Variants in PDE4B observed in about 807,000 individuals in gnomAD.
PDE4B encodes phosphodiesterase 4B.
PDE4B carries 20 observed loss-of-function variants against 82.2 expected under a neutral mutation model. That is an observed-to-expected ratio of 0.24 (90% confidence interval 0.17 to 0.35). PDE4B has a LOEUF of 0.35. PDE4B is among the 10% of genes least tolerant of loss of function. The pLI is 1.00. For synonymous variants in PDE4B, 320 were observed against 318.9 expected, an observed-to-expected ratio of 1.00 and a Z score of -0.04; for missense variants, 655 against 907.2, an observed-to-expected ratio of 0.72 and a Z score of 3.57.
At chr1:65,970,777 C>T (rs1248521895) in intron 3 of PDE4B, among the ~76,000 whole-genome samples, 1 of 151,948 alleles carries the variant, frequency 6.6e-6, no homozygotes, top group Non-Finnish European at 1.5e-5. Flanking sequence ...AACATTGCAT[C>T]TATAACAAGC....
At chr1:65,797,393 G>C (rs926849518) in intron 1 of PDE4B, among the ~76,000 whole-genome samples, 1 of 152,290 alleles carries the variant, frequency 6.6e-6, no homozygotes, top group Middle Eastern at 3.4e-3. Context: ...TGTGTTAGAA[G>C]GCTCTGGGTT....
chr1:66,269,116 T>C (rs573647352), intron 7 of PDE4B, among the ~76,000 whole-genome samples: 1 of 152,360 alleles, frequency 6.6e-6, no homozygotes, highest in South Asian at 2.1e-4. Flanking sequence ...TTATCTCTAT[T>C]GCTATGAAAA....
At chr1:66,133,373 CTCATT>C (rs1463673716) in intron 3 of PDE4B, among the ~76,000 whole-genome samples, 1 of 152,132 alleles carries the variant, frequency 6.6e-6, no homozygotes, top group African/African-American at 2.4e-5. Flanking sequence ...ATTTATGAAT[CTCATT>C]TCACAAACTT....
intron 3 of PDE4B, among the ~76,000 whole-genome samples, chr1:65,999,273 C>A (rs1250317390): frequency 6.6e-6 from 1 of 152,166 alleles, no homozygotes; most frequent in African/African-American, 2.4e-5. Flanking sequence ...ACTGTCAATG[C>A]ACTTGCAACA....
intron 3 of PDE4B, among the ~76,000 whole-genome samples, chr1:66,088,724 GC>G (rs973290631): frequency 6.6e-6 from 1 of 151,960 alleles, no homozygotes; most frequent in African/African-American, 2.4e-5. Flanking sequence ...AGTCATTGGG[GC>G]TTTTTTTCTC....
chr1:65,808,247 C>A (rs1645779062), intron 1 of PDE4B, among the ~76,000 whole-genome samples: 1 of 150,052 alleles, frequency 6.7e-6, no homozygotes, highest in Non-Finnish European at 1.5e-5. Context: ...TTCTAGCTCA[C>A]TATAACCTTC....
At chr1:65,890,229 A>T (rs992406247) in intron 1 of PDE4B, among the ~76,000 whole-genome samples, 41 of 151,972 alleles carry the variant, frequency 2.7e-4, no homozygotes, top group African/African-American at 8.9e-4. Flanking sequence ...ATTTAAGATA[A>T]TTTGCCTTAT....
chr1:66,058,954 A>G (rs959375743), intron 3 of PDE4B, among the ~76,000 whole-genome samples: 4 of 152,174 alleles, frequency 2.6e-5, no homozygotes, highest in African/African-American at 9.7e-5. Context: ...CTTTTCTATC[A>G]CATTGTCAAG....
intron 3 of PDE4B, among the ~76,000 whole-genome samples, chr1:65,969,032 T>A (rs558832594): frequency 6.6e-6 from 1 of 152,190 alleles, no homozygotes; most frequent in African/African-American, 2.4e-5. Flanking sequence ...TAACAAATTA[T>A]CTCATTTAAT....
chr1:65,873,528 C>A (rs942436346), intron 1 of PDE4B, among the ~76,000 whole-genome samples: 1 of 152,112 alleles, frequency 6.6e-6, no homozygotes, highest in Non-Finnish European at 1.5e-5. Context: ...TGGTTTAAAG[C>A]TTTTATCTTC....
At chr1:66,182,983 A>G (rs1225780010) in intron 3 of PDE4B, among the ~76,000 whole-genome samples, 1 of 152,232 alleles carries the variant, frequency 6.6e-6, no homozygotes, top group Non-Finnish European at 1.5e-5. Context: ...ACAATGAGCC[A>G]CATTTGTCCA....
intron 1 of PDE4B, among the ~76,000 whole-genome samples, chr1:65,795,070 G>A (rs547315264): frequency 6.6e-6 from 1 of 152,182 alleles, no homozygotes; most frequent in African/African-American, 2.4e-5. Flanking sequence ...TGATCTTGGA[G>A]TCCTTTGCCT....
At chr1:65,838,954 T>C (rs1646175777) in intron 1 of PDE4B, among the ~76,000 whole-genome samples, 2 of 152,192 alleles carry the variant, frequency 1.3e-5, no homozygotes, top group African/African-American at 2.4e-5. Flanking sequence ...AAGTGTTTTG[T>C]ATAATTTCAT....
chr1:66,050,197 G>A (rs538070085), intron 3 of PDE4B, among the ~76,000 whole-genome samples: 46 of 151,954 alleles, frequency 3.0e-4, no homozygotes, highest in South Asian at 2.1e-3. Context: ...ATGTTCAATT[G>A]GAAATATATG....
intron 8 of PDE4B, among the ~76,000 whole-genome samples, chr1:66,352,682 T>A (rs1661929479): frequency 6.7e-6 from 1 of 149,150 alleles, no homozygotes; most frequent in African/African-American, 2.5e-5. Context: ...TGAAAGCTGA[T>A]TAAAAGCATG....
chr1:65,911,863 A>T (rs1298062403), intron 1 of PDE4B, among the ~76,000 whole-genome samples: 1 of 152,176 alleles, frequency 6.6e-6, no homozygotes, highest in Non-Finnish European at 1.5e-5. Context: ...TGCATAATGT[A>T]GTCAAATTAT....
intron 3 of PDE4B, among the ~76,000 whole-genome samples, chr1:66,223,181 A>G (rs1168724440): frequency 6.6e-6 from 1 of 152,200 alleles, no homozygotes; most frequent in African/African-American, 2.4e-5. Flanking sequence ...ATACATAAAT[A>G]ATATAGTTTC....
At chr1:66,195,621 A>G (rs150059947) in intron 3 of PDE4B, among the ~76,000 whole-genome samples, 2 of 152,312 alleles carry the variant, frequency 1.3e-5, no homozygotes, top group East Asian at 3.9e-4. Flanking sequence ...TCCTTGGGAC[A>G]ATTACTTAGC....
chr1:66,318,752 A>G (rs1265106146), intron 7 of PDE4B, among the ~76,000 whole-genome samples: 2 of 152,230 alleles, frequency 1.3e-5, no homozygotes, highest in Admixed American at 1.3e-4. Context: ...TTAACATGTA[A>G]TCAAATATAT....
Sources: allele counts gnomAD v4.1 joint callset (sites outside exome capture counted in the v4.1 genomes callset), GRCh38; gene constraint gnomAD v4.1.1; transcripts MANE v1.5; gene names NCBI Gene and HGNC (gene_info 2026-07-23, HGNC 2026-07-21).